SIGLEC11: variants seen among roughly 807,000 people sequenced by gnomAD.
SIGLEC11 encodes the protein sialic acid binding Ig like lectin 11, also known as sialic acid-binding Ig-like lectin 11.
A neutral mutation model predicts 61.2 loss-of-function variants in SIGLEC11; 47 were observed. The observed-to-expected ratio is 0.77, with a 90% confidence interval of 0.61 to 0.98. The LOEUF (loss-of-function observed/expected upper bound fraction) is 0.98, where lower values mean the gene tolerates loss of function less well. Among genes scored for constraint, SIGLEC11 ranks in the 50% least tolerant of loss-of-function variants. The pLI, the probability that SIGLEC11 is intolerant of heterozygous loss-of-function variation, is 0.00. For synonymous variants in SIGLEC11, 278 were observed against 373.1 expected, an observed-to-expected ratio of 0.75 and a Z score of 2.94; for missense variants, 610 against 870.3, an observed-to-expected ratio of 0.70 and a Z score of 3.76.
intron 8 of SIGLEC11, among the ~76,000 whole-genome samples, chr19:49,954,366 G>A (rs533949545): frequency 1.1e-4 from 17 of 152,266 alleles, no homozygotes; most frequent in African/African-American, 4.1e-4. Flanking sequence ...TGACCCCGAA[G>A]GGAAGGACTG....
At chr19:49,958,962 G>T in intron 6 of SIGLEC11, 62 bp from the exon 7 acceptor site, 4 of 1,612,960 alleles carry the variant, frequency 2.5e-6, no homozygotes, top group Non-Finnish European at 3.4e-6. Flanking sequence ...CCTGTGTGGG[G>T]ACCCTCCAGA....
rs1350399210 is a variant in SIGLEC11 at position 49,955,297 on chromosome 19, G to C, written c.1652-2903C>G. Among the ~76,000 whole-genome samples the C allele has an allele frequency of 1.4e-5, 2 of 146,678 alleles. No homozygotes were observed. Among genetic ancestry groups the C allele is most frequent in the Non-Finnish European group, 3.0e-5 (2 of 66,784 alleles). On this transcript the variant is annotated intron_variant, in intron 8 of 10. Transcript: ENST00000447370. This position sits in a 1 kb window ranked among gnomAD's most constrained non-coding sequence, Gnocchi z 4.5. ...CTGGAAAAAGAGCGGGGCGGGGACTGGCCCCAGAAAAAAAGCCAAAAAAAA... is the reference window on the plus strand; with the variant it reads ...CTGGAAAAAGAGCGGGGCGGGGACTCGCCCCAGAAAAAAAGCCAAAAAAAA...
At position 49,955,844 on chromosome 19, in the gene SIGLEC11, A is replaced by G. The variant is rs1477147642; in HGVS notation, c.1651+2439T>C. Reference sequence around the variant, plus strand: ...CAGCTACTCGGGAGGCTGAGGCAGGAGAATGGCGTGAACCTGGGAGTTGGA... The same window carrying G: ...CAGCTACTCGGGAGGCTGAGGCAGGGGAATGGCGTGAACCTGGGAGTTGGA... On this transcript the variant is annotated intron_variant, in intron 8 of 10. Coordinates refer to ENST00000447370, the MANE Select transcript of SIGLEC11 (RefSeq NM_052884.3). The surrounding 1 kb of genome is among the most constrained non-coding windows in gnomAD (Gnocchi z 4.5). Among the ~76,000 whole-genome samples, 2 of 151,720 alleles carry G rather than the reference A, an allele frequency of 1.3e-5. No individual in the cohort carries two copies. Among genetic ancestry groups the G allele is most frequent in the African/African-American group, 4.8e-5 (2 of 41,280 alleles).
At chr19:49,956,933 C>T (rs900685175) in intron 8 of SIGLEC11, among the ~76,000 whole-genome samples, 1 of 152,028 alleles carries the variant, frequency 6.6e-6, no homozygotes, top group Non-Finnish European at 1.5e-5. Flanking sequence ...GCCTAAAAAT[C>T]GCTGACAATG....
Position 49,951,796 on chromosome 19 carries a change from G to A in SIGLEC11, c.1830+95C>T. On this transcript the variant is annotated intron_variant, in intron 10 of 10. Transcript: ENST00000447370. The surrounding 1 kb of genome is among the most constrained non-coding windows in gnomAD (Gnocchi z 4.6). Reference sequence around the variant, plus strand: ...ACCCAGGAGCAAAACCCTATTTGGGGCACAATGATTCTGCAAGTCACCAAG... The same window carrying A: ...ACCCAGGAGCAAAACCCTATTTGGGACACAATGATTCTGCAAGTCACCAAG... The A allele has an allele frequency of 2.7e-6, 3 of 1,097,354 alleles. No individual in the cohort carries two copies. The highest frequency in any genetic ancestry group is 3.4e-5 in the South Asian group (2 of 58,558). The allele number at this position is 1,097,354 out of a possible 1,614,324, so 68.0% of individuals were successfully genotyped here.
In SIGLEC11 at chr19:49,951,430, T is replaced by C. The variant is rs1427430667; in HGVS notation, c.1830+461A>G. 6.6e-6 allele frequency among the ~76,000 whole-genome samples: 1 copy of C among 152,188 alleles called. No homozygotes were observed. The highest frequency in any genetic ancestry group is 1.9e-4 in the East Asian group (1 of 5,200). On this transcript the variant is annotated intron_variant, in intron 10 of 10. Coordinates refer to ENST00000447370, the MANE Select transcript of SIGLEC11 (RefSeq NM_052884.3). This position sits in a 1 kb window ranked among gnomAD's most constrained non-coding sequence, Gnocchi z 4.6. ...GAGGATCACAGCTCTCAGTGAGTCC[T>C]GCGAGTCCTAGGGGGTTATCCAACC...
intron 8 of SIGLEC11, among the ~76,000 whole-genome samples, chr19:49,953,173 G>A (rs80105558): frequency 6.6e-6 from 1 of 152,170 alleles, no homozygotes; most frequent in African/African-American, 2.4e-5. Context: ...CAGCCTGGAG[G>A]AGAAATCAGC....
chr19:49,958,650 G>A lies in SIGLEC11; in HGVS notation c.1356C>T (p.Ser452=), dbSNP rs139230914. ...LGSQHVSLSL[S]VHYPPQLLGP... The stretch of plus-strand genomic sequence containing the variant: ...CCCCTTTCCCCCACTCACAGTGCAC[G>A]GAGAGGCTGAGAGAGACGTGCTGGG... Residue 452 remains serine (S), a synonymous_variant, in exon 7 of 11, where the codon TCC becomes TCT. Coordinates refer to ENST00000447370, the MANE Select transcript of SIGLEC11 (RefSeq NM_052884.3). The A allele has an allele frequency of 1.2e-4, 185 of 1,596,010 alleles. No homozygotes were observed. Among genetic ancestry groups the A allele is most frequent in the South Asian group, 5.0e-4 (44 of 87,426 alleles).
In SIGLEC11 at chr19:49,951,091, C is replaced by T. The variant is rs57663431; in HGVS notation, c.1830+800G>A. Among the ~76,000 whole-genome samples the T allele has an allele frequency of 0.022, 3,383 of 152,298 alleles. 357 individuals carry two copies. In the East Asian group the frequency reaches 0.28, roughly 12 times the overall value. ...TAGTTTACGCCAGCACTGGGACTTACGGCGGGGCCTACGTAGCATCAGTTT... is the reference window on the plus strand; with the variant it reads ...TAGTTTACGCCAGCACTGGGACTTATGGCGGGGCCTACGTAGCATCAGTTT... On this transcript the variant is annotated intron_variant, in intron 10 of 10. Transcript: ENST00000447370. This position sits in a 1 kb window ranked among gnomAD's most constrained non-coding sequence, Gnocchi z 4.6.
rs765589308 is a variant in SIGLEC11 at position 49,960,401 on chromosome 19, C to T, written c.481G>A (p.Val161Ile). The change falls in exon 3 of 11, where the codon GTC (valine) becomes ATC (isoleucine). Residue 161 changes from valine (V) to isoleucine (I), a missense_variant. Transcript: ENST00000447370. ...GGCTCCAGGGTCTCGGGGATGTAGA[C>T]ATCAGGCTTCTTAGTCAGGGCTGGG... ...KVTALTKKPD[V>I]YIPETLEPGQ... 1 of 1,595,574 alleles carries T rather than the reference C, an allele frequency of 6.3e-7. No homozygotes were observed. Among genetic ancestry groups the T allele is most frequent in the Non-Finnish European group, 8.5e-7 (1 of 1,178,498 alleles).
intron 10 of SIGLEC11, among the ~76,000 whole-genome samples, chr19:49,950,542 G>A (rs1006503400): frequency 6.6e-6 from 1 of 152,168 alleles, no homozygotes; most frequent in Non-Finnish European, 1.5e-5. Flanking sequence ...ATCAGATGGA[G>A]AAATGAAGGC....
At chr19:49,958,987 G>C in intron 6 of SIGLEC11, 43 bp downstream of exon 6, 1 of 1,612,138 alleles carries the variant, frequency 6.2e-7, no homozygotes, top group Non-Finnish European at 8.5e-7. Context: ...TGGGCCCCCA[G>C]TTTGGCACTG....
chr19:49,953,384 C>G (rs1235840169), intron 8 of SIGLEC11, among the ~76,000 whole-genome samples: 2 of 152,080 alleles, frequency 1.3e-5, no homozygotes, highest in African/African-American at 4.8e-5. Context: ...TTGGGGGCAG[C>G]GAGAGTGGCT....
chr19:49,960,736 ACT>A lies in SIGLEC11; in HGVS notation c.274_275del (p.Glu94GlyfsTer32). ...TGAPVATNNQ[S>X]REVEMSTRDR... The stretch of plus-strand genomic sequence containing the variant: ...CCCGGGTGCTCATTTCCACCTCTCG[ACT>A]CTGGTTGTTAGTGGCCACAGGAGCA... On this transcript the variant is annotated frameshift_variant, in exon 2 of 11. Coordinates refer to ENST00000447370, the MANE Select transcript of SIGLEC11 (RefSeq NM_052884.3). LOFTEE classifies it high-confidence loss of function. 1.2e-6 allele frequency: 2 copies of A among 1,612,298 alleles called. No individual in the cohort carries two copies. Among genetic ancestry groups the A allele is most frequent in the Non-Finnish European group, 8.5e-7 (1 of 1,179,778 alleles).
chr19:49,953,859 C>G (rs77024964), intron 8 of SIGLEC11, among the ~76,000 whole-genome samples: 2 of 152,144 alleles, frequency 1.3e-5, no homozygotes, highest in African/African-American at 4.8e-5. Flanking sequence ...CATTGAAGTG[C>G]ATGTTACAAA....
In SIGLEC11 at chr19:49,958,732, G is replaced by C. The variant is rs774621658; in HGVS notation, c.1274C>G (p.Pro425Arg). Residue 425 changes from proline to arginine, a missense_variant, in exon 7 of 11, where the codon CCC becomes CGC. Transcript: ENST00000447370. ...CTCTCCTTCGTGCTCCATTTGAATG[G>C]GTGGCAGCTCCAGGACCCCGGGGTC... is the stretch of plus-strand genomic sequence containing the variant. The part of the protein sequence containing the change: ...PSDPGVLELP[P>R]IQMEHEGEFT... 23 of 1,613,688 alleles carry C rather than the reference G, an allele frequency of 1.4e-5. No individual in the cohort carries two copies. Among genetic ancestry groups the C allele is most frequent in the Admixed American group, 6.7e-5 (4 of 59,976 alleles).
intron 5 of SIGLEC11, 102 bp downstream of exon 5, chr19:49,959,258 A>G: frequency 6.5e-7 from 1 of 1,546,202 alleles, no homozygotes; most frequent in Non-Finnish European, 8.7e-7. Flanking sequence ...TCAGTCCCCG[A>G]GGCCTGGGGT....
At chr19:49,957,775 G>C (rs892034207) in intron 8 of SIGLEC11, among the ~76,000 whole-genome samples, 2 of 152,220 alleles carry the variant, frequency 1.3e-5, no homozygotes, top group East Asian at 3.8e-4. Flanking sequence ...GTCCAGGTGC[G>C]TGAATCACAA....
chr19:49,959,192 A>T, intron 5 of SIGLEC11, 115 bp from the exon 6 acceptor site: 1 of 1,518,362 alleles, frequency 6.6e-7, no homozygotes, highest in South Asian at 1.3e-5. Flanking sequence ...GGCAGGGCAG[A>T]ATCACCCACT....
Sources: gnomAD v4.1 joint callset for allele counts (sites outside exome capture counted in the v4.1 genomes callset) on GRCh38, gnomAD v4.1.1 for gene constraint, Gnocchi (gnomAD v3.1) non-coding constraint, MANE v1.5 for transcripts, NCBI Gene and HGNC (gene_info 2026-07-23, HGNC 2026-07-21) for gene names.